DACH2: variants seen among roughly 807,000 people sequenced by gnomAD.
The protein encoded by DACH2 is dachshund family transcription factor 2, also known as dachshund homolog 2.
In DACH2, 17 loss-of-function variants were observed where a neutral mutation model predicts 35.8. That is an observed-to-expected ratio of 0.48 (90% CI 0.33 to 0.71). DACH2 has a LOEUF of 0.71. Ranked by LOEUF, DACH2 falls within the 30% of genes least tolerant of loss-of-function variation. The probability of loss-of-function intolerance (pLI) is 0.02; values close to 1 mark genes in which losing one functional copy is unlikely to be tolerated. For missense variants in DACH2, 469 were observed against 472.7 expected (o/e 0.99, Z 0.07); for synonymous variants, 195 against 177.3 (o/e 1.10, Z -0.79).
chrX:86,223,413 CT>C (rs1201229858), intron 1 of DACH2, among the ~76,000 whole-genome samples: 3 of 111,258 alleles, frequency 2.7e-5, no homozygotes, highest in Non-Finnish European at 5.7e-5. Flanking sequence ...GCATTATTCC[CT>C]TTTTGTTAAA....
chrX:86,832,170 C>T lies in DACH2; in HGVS notation c.*15C>T, dbSNP rs776673508. 1 of 1,164,404 alleles carries T rather than the reference C, an allele frequency of 8.6e-7. No homozygotes were observed. The highest frequency in any genetic ancestry group is 1.2e-6 in the Non-Finnish European group (1 of 855,896). ...ATTCAGCCTGAAAGGTCCTCGCTGG[C>T]TTTACATAAATGAAGATGCTTGTGA... On this transcript the variant is annotated 3_prime_UTR_variant, in exon 12 of 12. Transcript: ENST00000373125.
At chrX:86,570,004 A>G (rs1259476517) in intron 3 of DACH2, among the ~76,000 whole-genome samples, 2 of 112,025 alleles carry the variant, frequency 1.8e-5, no homozygotes, top group Admixed American at 9.5e-5. Context: ...AACATCATTG[A>G]TCGTTAGAGA....
chrX:86,588,970 C>T (rs114478736), intron 3 of DACH2, among the ~76,000 whole-genome samples: 2,142 of 111,475 alleles, frequency 0.019, 60 homozygotes, highest in African/African-American at 0.067. Flanking sequence ...ACAGCTTTTA[C>T]CCATTCAGCA....
intron 4 of DACH2, among the ~76,000 whole-genome samples, chrX:86,685,174 C>T (rs752494390): frequency 7.2e-5 from 8 of 111,306 alleles, no homozygotes; most frequent in Non-Finnish European, 1.1e-4. Flanking sequence ...TTGTGTTGTT[C>T]ACTTTGTAAA....
At chrX:86,647,629 A>G (rs778507565) in intron 3 of DACH2, among the ~76,000 whole-genome samples, 11 of 110,825 alleles carry the variant, frequency 9.9e-5, no homozygotes, top group Non-Finnish European at 2.1e-4. Flanking sequence ...AGTTAACAAT[A>G]CTGTATTGTA....
chrX:86,476,704 G>T (rs996320052), intron 2 of DACH2, among the ~76,000 whole-genome samples: 3 of 111,057 alleles, frequency 2.7e-5, no homozygotes, highest in Non-Finnish European at 5.7e-5. Context: ...TGTTCAGTTT[G>T]CTCTAGCTTA....
At chrX:86,618,980 C>A (rs1166817689) in intron 3 of DACH2, among the ~76,000 whole-genome samples, 1 of 111,959 alleles carries the variant, frequency 8.9e-6, no homozygotes, top group Non-Finnish European at 1.9e-5. Context: ...TTTTTAAACA[C>A]AAAATCTCAT....
At chrX:86,159,388 G>A (rs1193008484) in intron 1 of DACH2, among the ~76,000 whole-genome samples, 1 of 111,479 alleles carries the variant, frequency 9.0e-6, no homozygotes, top group Non-Finnish European at 1.9e-5. Context: ...TTACTGTTAA[G>A]CTTGCTGCTT....
chrX:86,333,325 C>T (rs995226062), intron 1 of DACH2, among the ~76,000 whole-genome samples: 1 of 111,655 alleles, frequency 9.0e-6, no homozygotes, highest in African/African-American at 3.3e-5. Flanking sequence ...TGTTTAATTT[C>T]AAAAGACTGT....
intron 4 of DACH2, among the ~76,000 whole-genome samples, chrX:86,652,806 A>G (rs748134538): frequency 4.5e-5 from 5 of 111,791 alleles, no homozygotes; most frequent in Non-Finnish European, 9.4e-5. Context: ...TTTTGCTTGC[A>G]CATTTGTTTC....
At chrX:86,232,760 A>C (rs1373748761) in intron 1 of DACH2, among the ~76,000 whole-genome samples, 1 of 112,323 alleles carries the variant, frequency 8.9e-6, no homozygotes, top group Non-Finnish European at 1.9e-5. Context: ...AAATGAGTTC[A>C]AGTATTGTGG....
intron 3 of DACH2, among the ~76,000 whole-genome samples, chrX:86,624,360 A>AC (rs765916692): frequency 4.4e-4 from 49 of 112,246 alleles, no homozygotes; most frequent in Non-Finnish European, 7.5e-4. Flanking sequence ...TACATGAGGT[A>AC]CATGGCAATT....
In DACH2 at chrX:86,463,965, A is replaced by G. The variant is rs1262243308; in HGVS notation, c.528-50314A>G. On this transcript the variant is annotated intron_variant, in intron 2 of 11. Coordinates refer to ENST00000373125, the MANE Select transcript of DACH2 (RefSeq NM_053281.3). ...TAGAAAAATGCAAATCAAAACCACA[A>G]TGAGATACCATCTCACGCCAGTTAG... 2.7e-5 allele frequency among the ~76,000 whole-genome samples: 3 copies of G among 112,043 alleles called. No homozygotes were observed. In the Admixed American group the frequency reaches 2.8e-4, roughly 11 times the overall value.
chrX:86,388,070 C>T (rs1213718627), intron 2 of DACH2, among the ~76,000 whole-genome samples: 1 of 111,900 alleles, frequency 8.9e-6, no homozygotes, highest in Admixed American at 9.5e-5. Context: ...AAGCTTTCAC[C>T]TTAATTCTGT....
intron 6 of DACH2, among the ~76,000 whole-genome samples, chrX:86,733,168 C>T (rs916492980): frequency 2.7e-5 from 3 of 111,540 alleles, no homozygotes; most frequent in Non-Finnish European, 5.7e-5. Flanking sequence ...CAACGTGGTG[C>T]GTTAGGCAGT....
intron 2 of DACH2, among the ~76,000 whole-genome samples, chrX:86,400,455 C>T (rs1210823299): frequency 9.0e-6 from 1 of 111,687 alleles, no homozygotes; most frequent in Non-Finnish European, 1.9e-5. Context: ...GAGAGGCGCT[C>T]TGAGTTTTAT....
intron 2 of DACH2, among the ~76,000 whole-genome samples, chrX:86,454,873 A>G (rs942812294): frequency 3.6e-5 from 4 of 112,004 alleles, no homozygotes; most frequent in Admixed American, 9.5e-5. Context: ...TTGAATTTTC[A>G]GCATTTTTGT....
At chrX:86,485,167 T>G (rs1470607489) in intron 2 of DACH2, among the ~76,000 whole-genome samples, 2 of 112,145 alleles carry the variant, frequency 1.8e-5, no homozygotes, top group Non-Finnish European at 3.8e-5. Flanking sequence ...ACAAGCATTT[T>G]TTCCTCTTTA....
rs755777149 is a variant in DACH2, at chrX:86,601,257, A to G, written c.641-49779A>G. On this transcript the variant is annotated intron_variant, in intron 3 of 11. Coordinates refer to ENST00000373125, the MANE Select transcript of DACH2 (RefSeq NM_053281.3). ...TTACAGAAAATTTTCCAAAGTTTCT[A>G]TTGGGGCAGATACTGGTTTTAAAAA... Among the ~76,000 whole-genome samples the G allele has an allele frequency of 5.4e-5, 6 of 111,679 alleles. No homozygotes were observed. The South Asian group carries it at 2.2e-3, about 42-fold the overall frequency.
Sources: gnomAD v4.1 joint callset for allele counts (sites outside exome capture counted in the v4.1 genomes callset) on GRCh38, gnomAD v4.1.1 for gene constraint, MANE v1.5 for transcripts, NCBI Gene and HGNC (gene_info 2026-07-23, HGNC 2026-07-21) for gene names.